The following TDRD12 variants were observed in gnomAD, a reference collection of about 807,000 sequenced individuals.
The protein encoded by TDRD12 is putative ATP-dependent RNA helicase TDRD12.
Under a neutral mutation model 133.5 loss-of-function variants are expected in TDRD12, and 158 were observed. That is an observed-to-expected ratio of 1.18 (90% CI 1.04 to 1.35). The LOEUF (loss-of-function observed/expected upper bound fraction) is 1.35. Among genes scored for constraint, TDRD12 ranks in the 40% most tolerant of loss-of-function variants. TDRD12 has a pLI of 0.00. For missense variants in TDRD12, 1,443 were observed against 1,321.3 expected, an observed-to-expected ratio of 1.09 and a Z score of -1.43; for synonymous variants, 460 against 477.9, an observed-to-expected ratio of 0.96 and a Z score of 0.49.
chr19:32,795,577 T>C (rs1971202137), intron 14 of TDRD12, among the ~76,000 whole-genome samples: 1 of 152,100 alleles, frequency 6.6e-6, no homozygotes, highest in Admixed American at 6.5e-5. Flanking sequence ...TGCCAGTCAT[T>C]TCCTAGCTCC....
At chr19:32,781,975 T>TTC (rs1355614441) in intron 11 of TDRD12, among the ~76,000 whole-genome samples, 1 of 152,124 alleles carries the variant, frequency 6.6e-6, no homozygotes, top group African/African-American at 2.4e-5. Flanking sequence ...TTTTTCTTTT[T>TTC]TTTTTATTAT....
At chr19:32,799,371 C>T (rs2145690938) in intron 16 of TDRD12, among the ~76,000 whole-genome samples, 1 of 152,310 alleles carries the variant, frequency 6.6e-6, no homozygotes, top group East Asian at 1.9e-4. Context: ...GCAGGCTCTC[C>T]ACACCCCTGC....
Position 32,759,253 on chromosome 19 carries a change from C to T in TDRD12, c.865+2123C>T, listed in dbSNP as rs573925818. Among the ~76,000 whole-genome samples the T allele has an allele frequency of 2.2e-3, 333 of 152,078 alleles. 1 individual carries two copies. Among genetic ancestry groups the T allele is most frequent in the Non-Finnish European group, 3.9e-3 (266 of 67,982 alleles). On this transcript the variant is annotated intron_variant, in intron 8 of 27. Coordinates refer to ENST00000444215, the Ensembl canonical transcript of TDRD12. ...CAACACAGTGTAGAGAGAACAGGCTCGGGGCTAGAAGCCAGGAGACATGTG... is the reference window on the plus strand; with the variant it reads ...CAACACAGTGTAGAGAGAACAGGCTTGGGGCTAGAAGCCAGGAGACATGTG...
intron 1 of TDRD12, among the ~76,000 whole-genome samples, chr19:32,721,683 T>TTATGTTATGTTATGTTATGTTATG (rs1968674706): frequency 1.1e-5 from 1 of 88,396 alleles, no homozygotes; most frequent in African/African-American, 5.1e-5. Flanking sequence ...CCTGGCCTAT[T>TTATGTTATGTTATGTTATGTTATG]TTATTTTATT....
At chr19:32,740,903 C>T (rs546636203) in intron 3 of TDRD12, among the ~76,000 whole-genome samples, 37 of 152,256 alleles carry the variant, frequency 2.4e-4, no homozygotes, top group Middle Eastern at 3.4e-3. Context: ...TGGGACCACA[C>T]GTGATTGTGT....
intron 6 of TDRD12, among the ~76,000 whole-genome samples, chr19:32,753,769 G>A (rs544215901): frequency 4.0e-5 from 6 of 149,820 alleles, no homozygotes; most frequent in East Asian, 3.9e-4. Flanking sequence ...CACCTGTCTC[G>A]GCCTCCCAAA....
chr19:32,775,069 G>A (rs1258103779), intron 10 of TDRD12, among the ~76,000 whole-genome samples: 1 of 151,440 alleles, frequency 6.6e-6, no homozygotes, highest in African/African-American at 2.4e-5. Flanking sequence ...TTTGTTTGTA[G>A]CTTTCTTACA....
chr19:32,798,495 A>T (rs961774645), intron 16 of TDRD12, 60 bp downstream of exon 16: 12 of 1,400,524 alleles, frequency 8.6e-6, no homozygotes, highest in Non-Finnish European at 9.5e-6. Context: ...ATGCTAACTG[A>T]TGGCAGGAAG....
chr19:32,820,956 T>A (rs555237099), intron 27 of TDRD12, 77 bp from the exon 28 acceptor site: 1 of 1,224,592 alleles, frequency 8.2e-7, no homozygotes, highest in East Asian at 2.5e-5. Context: ...TTCACGGTCA[T>A]TTATTGCCTG....
intron 26 of TDRD12, 118 bp from the exon 27 acceptor site, chr19:32,817,969 CAA>C (rs77102946): frequency 0.012 from 7,085 of 568,706 alleles, no homozygotes; most frequent in South Asian, 0.016. Context: ...GCCTCTGTCT[CAA>C]AAAAAAAAAA....
intron 11 of TDRD12, among the ~76,000 whole-genome samples, chr19:32,778,604 A>G (rs1970676221): frequency 6.6e-6 from 1 of 152,040 alleles, no homozygotes; most frequent in Non-Finnish European, 1.5e-5. Context: ...GGTTCAAGCA[A>G]TTCTCCTGCC....
rs76808897 is a variant in TDRD12 at position 32,803,744 on chromosome 19, C to T, written c.2552+602C>T. Among the ~76,000 whole-genome samples, 922 of 152,232 alleles carry T rather than the reference C, an allele frequency of 6.1e-3. 9 individuals are homozygous for T. The highest frequency in any genetic ancestry group is 0.021 in the African/African-American group (867 of 41,526). ...CTGAGTTGTCCCCAACCCTCACCAGCGCTTAGTGTTGGTGGAGGTGGAGTG... is the reference window on the plus strand; with the variant it reads ...CTGAGTTGTCCCCAACCCTCACCAGTGCTTAGTGTTGGTGGAGGTGGAGTG... On this transcript the variant is annotated intron_variant, in intron 21 of 27. Transcript: ENST00000444215.
At chr19:32,820,521 A>G (rs1967342727) in intron 27 of TDRD12, among the ~76,000 whole-genome samples, 1 of 152,254 alleles carries the variant, frequency 6.6e-6, no homozygotes, top group Admixed American at 6.5e-5. Flanking sequence ...TAAGTAGGAT[A>G]AAATATGGGG....
intron 19 of TDRD12, 93 bp from the exon 20 acceptor site, chr19:32,802,563 G>A: frequency 7.3e-7 from 1 of 1,360,642 alleles, no homozygotes; most frequent in South Asian, 1.5e-5. Context: ...AATGTGATAT[G>A]GAAATGCACT....
intron 8 of TDRD12, among the ~76,000 whole-genome samples, chr19:32,762,130 G>C (rs1040664437): frequency 1.3e-5 from 2 of 152,130 alleles, no homozygotes; most frequent in East Asian, 3.8e-4. Context: ...TCCTCCTAGT[G>C]TGTGGCTTGT....
chr19:32,734,965 A>G (rs567905163), intron 2 of TDRD12, among the ~76,000 whole-genome samples: 1 of 152,260 alleles, frequency 6.6e-6, no homozygotes, highest in South Asian at 2.1e-4. Context: ...TAAGATAGTG[A>G]ATTTTATCAA....
At chr19:32,782,722 G>A (rs1488962176) in intron 11 of TDRD12, among the ~76,000 whole-genome samples, 1 of 152,212 alleles carries the variant, frequency 6.6e-6, no homozygotes, top group Non-Finnish European at 1.5e-5. Flanking sequence ...GACCAGTGAT[G>A]ATGAGCATTT....
chr19:32,760,547 C>T (rs1970121617), intron 8 of TDRD12, among the ~76,000 whole-genome samples: 1 of 152,144 alleles, frequency 6.6e-6, no homozygotes, highest in Non-Finnish European at 1.5e-5. Context: ...CCTCTTCTTA[C>T]CCCAGGATGT....
intron 2 of TDRD12, among the ~76,000 whole-genome samples, chr19:32,732,770 A>G (rs1969098060): frequency 6.6e-6 from 1 of 152,262 alleles, no homozygotes; most frequent in African/African-American, 2.4e-5. Context: ...CATTAATAAC[A>G]TAATTTATTT....
Sources: gnomAD v4.1 joint callset for allele counts (sites outside exome capture counted in the v4.1 genomes callset) on GRCh38, gnomAD v4.1.1 for gene constraint, MANE v1.5 for transcripts, NCBI Gene and HGNC (gene_info 2026-07-23, HGNC 2026-07-21) for gene names.